PDE4B: variants seen among roughly 807,000 people sequenced by gnomAD.
PDE4B encodes the protein phosphodiesterase 4B, also known as 3',5'-cyclic-AMP phosphodiesterase 4B.
In PDE4B, 20 loss-of-function variants were observed where a neutral mutation model predicts 82.2. The observed-to-expected ratio is 0.24, with a 90% confidence interval of 0.17 to 0.35. PDE4B has a LOEUF of 0.35. Among genes scored for constraint, PDE4B ranks in the 10% least tolerant of loss-of-function variants. The pLI is 1.00. For missense variants in PDE4B, 655 were observed against 907.2 expected (o/e 0.72, Z 3.57); for synonymous variants, 320 against 318.9 (o/e 1.00, Z -0.04).
chr1:66,053,646 G>A (rs1261886602), intron 3 of PDE4B, among the ~76,000 whole-genome samples: 1 of 151,996 alleles, frequency 6.6e-6, no homozygotes, highest in African/African-American at 2.4e-5. Context: ...ATCACCTGAG[G>A]TTAGGAGTTT....
At chr1:66,142,532 T>C (rs1303969588) in intron 3 of PDE4B, among the ~76,000 whole-genome samples, 1 of 152,094 alleles carries the variant, frequency 6.6e-6, no homozygotes, top group African/African-American at 2.4e-5. Flanking sequence ...GAATGCAGTG[T>C]TAGAAAGCAA....
chr1:66,354,432 C>G, intron 8 of PDE4B: 3 of 988,756 alleles, frequency 3.0e-6, no homozygotes, highest in Non-Finnish European at 3.6e-6. Flanking sequence ...AGTCTGGCAA[C>G]TCCTCAGGAA....
intron 3 of PDE4B, among the ~76,000 whole-genome samples, chr1:66,239,253 A>G (rs1028847978): frequency 2.0e-5 from 3 of 152,220 alleles, no homozygotes; most frequent in Non-Finnish European, 4.4e-5. Flanking sequence ...ATATTGAGCG[A>G]GTAGAATATT....
rs565483982 is a variant in PDE4B, at chr1:66,129,453, C to T, written c.282-118007C>T. Among the ~76,000 whole-genome samples the T allele has an allele frequency of 2.8e-4, 43 of 151,298 alleles. 2 individuals are homozygous for T. The South Asian group carries it at 8.8e-3, about 31-fold the overall frequency. On this transcript the variant is annotated intron_variant, in intron 3 of 16. Coordinates refer to ENST00000341517, the MANE Select transcript of PDE4B (RefSeq NM_002600.4). The stretch of plus-strand genomic sequence containing the variant: ...CGGGCGGATCACGAGGTCAGGAGAT[C>T]GAGACCATCCCGGCTAAAACGGTGA...
intron 3 of PDE4B, among the ~76,000 whole-genome samples, chr1:66,079,516 T>C (rs1420118554): frequency 6.6e-6 from 1 of 152,132 alleles, no homozygotes; most frequent in Admixed American, 6.6e-5. Flanking sequence ...AGTACATCTG[T>C]AATGCCATGT....
intron 3 of PDE4B, among the ~76,000 whole-genome samples, chr1:66,236,594 T>C (rs1030871398): frequency 6.6e-6 from 1 of 152,154 alleles, no homozygotes; most frequent in Admixed American, 6.5e-5. Context: ...ACTAGTTATT[T>C]TTTGTTTGTG....
intron 3 of PDE4B, among the ~76,000 whole-genome samples, chr1:66,165,628 T>A (rs1291379378): frequency 6.6e-6 from 1 of 151,760 alleles, no homozygotes; most frequent in Admixed American, 6.6e-5. Context: ...ATTAAAAAAA[T>A]AATTCCCTTT....
chr1:66,008,284 TC>T (rs1233810669), intron 3 of PDE4B, among the ~76,000 whole-genome samples: 1 of 152,124 alleles, frequency 6.6e-6, no homozygotes, highest in African/African-American at 2.4e-5. Context: ...GGGCTGAATG[TC>T]CAGGCATGTC....
At chr1:66,196,379 T>A (rs142384385) in intron 3 of PDE4B, among the ~76,000 whole-genome samples, 1 of 152,210 alleles carries the variant, frequency 6.6e-6, no homozygotes, top group African/African-American at 2.4e-5. Flanking sequence ...GAGTCAAGCA[T>A]TGATACTCTC....
intron 7 of PDE4B, among the ~76,000 whole-genome samples, chr1:66,326,198 T>C (rs1025607409): frequency 6.6e-6 from 1 of 152,230 alleles, no homozygotes; most frequent in African/African-American, 2.4e-5. Context: ...TAAACTGGGC[T>C]TCCCCTAGAT....
At chr1:65,834,797 T>G (rs745745820) in intron 1 of PDE4B, among the ~76,000 whole-genome samples, 5 of 152,196 alleles carry the variant, frequency 3.3e-5, no homozygotes, top group Non-Finnish European at 5.9e-5. Flanking sequence ...TGGTAAGTTC[T>G]AAATCACACC....
intron 1 of PDE4B, among the ~76,000 whole-genome samples, chr1:65,828,523 G>C (rs558295340): frequency 6.6e-6 from 1 of 152,164 alleles, no homozygotes; most frequent in Admixed American, 6.5e-5. Context: ...TGGGATTACA[G>C]GGGTGAGCCA....
At chr1:66,247,413 T>G (rs1178538993) in intron 3 of PDE4B, 47 bp from the exon 4 acceptor site, 1 of 1,352,852 alleles carries the variant, frequency 7.4e-7, no homozygotes, top group Non-Finnish European at 1.0e-6. Flanking sequence ...CTATGTGTCC[T>G]CCTCCATGGT....
At chr1:66,355,460 G>T in intron 8 of PDE4B, 67 bp from the exon 9 acceptor site, 1 of 1,010,262 alleles carries the variant, frequency 9.9e-7, no homozygotes, top group Non-Finnish European at 1.5e-6. Context: ...CAGTAAAGTT[G>T]GAAACATTTA....
chr1:66,259,353 T>C (rs2101709455), intron 6 of PDE4B, among the ~76,000 whole-genome samples: 1 of 152,306 alleles, frequency 6.6e-6, no homozygotes, highest in South Asian at 2.1e-4. Flanking sequence ...TAGGATGCAG[T>C]GTAAACAATC....
At position 66,342,165 on chromosome 1, in the gene PDE4B, A is replaced by T. The variant is rs575499795; in HGVS notation, c.747+9545A>T. Among the ~76,000 whole-genome samples the T allele has an allele frequency of 2.6e-5, 4 of 152,270 alleles. No individual in the cohort carries two copies. In the East Asian group the frequency reaches 7.7e-4, roughly 29 times the overall value. On this transcript the variant is annotated intron_variant, in intron 8 of 16. Transcript: ENST00000341517. Reference sequence around the variant, plus strand: ...TGTCGGGAAAAATCAAGGGAAAATGACTCGAGGAATTGAGCATCTTGGGAT... The same window carrying T: ...TGTCGGGAAAAATCAAGGGAAAATGTCTCGAGGAATTGAGCATCTTGGGAT...
intron 3 of PDE4B, among the ~76,000 whole-genome samples, chr1:66,119,598 G>A (rs1462177892): frequency 1.3e-5 from 2 of 152,178 alleles, no homozygotes; most frequent in African/African-American, 4.8e-5. Context: ...TCCCAGTTCT[G>A]TTTTCTGGGC....
At position 66,065,287 on chromosome 1, in the gene PDE4B, C is replaced by T. The variant is rs149614810; in HGVS notation, c.281+146452C>T. 1.1e-4 allele frequency among the ~76,000 whole-genome samples: 16 copies of T among 151,692 alleles called. No individual in the cohort carries two copies. The East Asian group carries it at 1.9e-3, about 18-fold the overall frequency. ...TAAATATTTATTGAGTGGTTATTAC[C>T]GTATGTCATTGAATGTAAGTTGCCA... is the stretch of plus-strand genomic sequence containing the variant. On this transcript the variant is annotated intron_variant, in intron 3 of 16. Coordinates refer to ENST00000341517, the MANE Select transcript of PDE4B (RefSeq NM_002600.4).
At chr1:66,132,642 C>T (rs1645973494) in intron 3 of PDE4B, among the ~76,000 whole-genome samples, 1 of 152,094 alleles carries the variant, frequency 6.6e-6, no homozygotes, top group Non-Finnish European at 1.5e-5. Context: ...GACATGAAGG[C>T]CTGCTGAGAC....
Sources: allele counts gnomAD v4.1 joint callset (sites outside exome capture counted in the v4.1 genomes callset), GRCh38; gene constraint gnomAD v4.1.1; transcripts MANE v1.5; gene names NCBI Gene and HGNC (gene_info 2026-07-23, HGNC 2026-07-21).